The following AMZ2 variants were observed in gnomAD, a reference collection of about 807,000 sequenced individuals.
AMZ2 encodes the protein archaelysin family metallopeptidase 2.
Under a neutral mutation model 36.7 loss-of-function variants are expected in AMZ2, and 26 were observed. The observed-to-expected ratio is 0.71, with a 90% confidence interval of 0.52 to 0.98. AMZ2 has a LOEUF of 0.98. AMZ2 is among the 50% of genes least tolerant of loss of function. AMZ2 has a pLI of 0.00. For missense variants in AMZ2, 394 were observed against 430.5 expected (o/e 0.92, Z 0.75); for synonymous variants, 144 against 149.1 (o/e 0.97, Z 0.25).
In AMZ2 at chr17:68,213,938, T is replaced by C. The variant is rs532409440; in HGVS notation, c.-67+7700T>C. 2.0e-5 allele frequency among the ~76,000 whole-genome samples: 3 copies of C among 152,108 alleles called. No homozygotes were observed. The East Asian group carries it at 5.8e-4, about 29-fold the overall frequency. On this transcript the variant is annotated intron_variant, in intron 1 of 7. Coordinates refer to the AMZ2 transcript ENST00000674770. Reference sequence around the variant, plus strand: ...ATATTTTTATTATCTAAGAGCTCTTTTGTTTTTAGAATCTTCCTTTAAAAA... The same window carrying C: ...ATATTTTTATTATCTAAGAGCTCTTCTGTTTTTAGAATCTTCCTTTAAAAA...
At chr17:68,217,712 G>C (rs1599289178) in intron 1 of AMZ2, among the ~76,000 whole-genome samples, 1 of 151,778 alleles carries the variant, frequency 6.6e-6, no homozygotes, top group Non-Finnish European at 1.5e-5. Flanking sequence ...TGTAATGTTA[G>C]CAATTTATAG....
At chr17:68,209,632 A>ATTTTTTTTTTTTTTTTT (rs1224207690) in intron 1 of AMZ2, among the ~76,000 whole-genome samples, 5 of 90,680 alleles carry the variant, frequency 5.5e-5, no homozygotes, top group African/African-American at 2.0e-4. Flanking sequence ...ATATATATAT[A>ATTTTTTTTTTTTTTTTT]TTTTTTTTTT....
At chr17:68,245,808 T>C (rs1202126266), upstream of AMZ2, among the ~76,000 whole-genome samples, 2 of 152,100 alleles carry the variant, frequency 1.3e-5, no homozygotes, top group African/African-American at 4.8e-5. Context: ...GTTACAATCA[T>C]TGTGACAAGG....
At position 68,235,777 on chromosome 17, in the gene AMZ2, C is replaced by T. The variant is rs2073771552; in HGVS notation, c.-66-12863C>T. Among the ~76,000 whole-genome samples the T allele has an allele frequency of 6.6e-6, 1 of 152,026 alleles. No homozygotes were observed. Among genetic ancestry groups the T allele is most frequent in the Non-Finnish European group, 1.5e-5 (1 of 68,016 alleles). ...TTTTGGTACGTGCTGTGCCCTCAGC[C>T]TGGGCTGCCGTGGACTGGCCGTCCC... is the stretch of plus-strand genomic sequence containing the variant. On this transcript the variant is annotated intron_variant, in intron 1 of 7. Coordinates refer to the AMZ2 transcript ENST00000674770. The surrounding 1 kb of genome is among the most constrained non-coding windows in gnomAD (Gnocchi z 4.2).
chr17:68,221,620 C>T (rs569581891), intron 1 of AMZ2, among the ~76,000 whole-genome samples: 3 of 151,892 alleles, frequency 2.0e-5, no homozygotes, highest in Admixed American at 6.6e-5. Flanking sequence ...CCAGCTACTC[C>T]GGAGGCTGAG....
chr17:68,234,293 A>T (rs2073736157), intron 1 of AMZ2, among the ~76,000 whole-genome samples: 1 of 151,564 alleles, frequency 6.6e-6, no homozygotes, highest in African/African-American at 2.4e-5. Flanking sequence ...TAAAAAAAAA[A>T]TTAAGATTAA....
At position 68,206,483 on chromosome 17, in the gene AMZ2, T is replaced by TC. The variant is rs547942717; in HGVS notation, c.-67+252dup. ...AGGCTACACTCGCTCGCTCTCTCTC[T>TC]CCCCCCCAACCTCCTCTTTTTCCTC... On this transcript the variant is annotated intron_variant, in intron 1 of 7. Transcript: ENST00000674770. The TC allele has an allele frequency of 3.0e-3, 523 of 173,776 alleles. 2 individuals are homozygous for TC. The highest frequency in any genetic ancestry group is 0.012 in the African/African-American group (481 of 41,656). 10.8% of individuals were successfully genotyped at this position (173,776 alleles called of 1,614,324 possible).
upstream of AMZ2, chr17:68,247,798 C>G (rs2144682117): frequency 1.0e-6 from 1 of 985,586 alleles, no homozygotes; most frequent in Non-Finnish European, 1.2e-6. Context: ...CCGCCGCGAG[C>G]GCAAGCGAGG....
rs1555732220 is a variant in AMZ2 at position 68,235,228 on chromosome 17, AC to A, written c.-66-13411del. 6.6e-6 allele frequency among the ~76,000 whole-genome samples: 1 copy of A among 152,158 alleles called. No individual in the cohort carries two copies. The highest frequency in any genetic ancestry group is 1.5e-5 in the Non-Finnish European group (1 of 68,028). On this transcript the variant is annotated intron_variant, in intron 1 of 7. Transcript: ENST00000674770. This position sits in a 1 kb window ranked among gnomAD's most constrained non-coding sequence, Gnocchi z 4.2. ...CCAGCGCTGGTTTCTTAGCAAAAAAACAACTTGTTAAATGTCAGGGCTTTGT... is the reference window on the plus strand; with the variant it reads ...CCAGCGCTGGTTTCTTAGCAAAAAAAAACTTGTTAAATGTCAGGGCTTTGT...
chr17:68,231,892 T>C (rs2073672535), intron 1 of AMZ2, among the ~76,000 whole-genome samples: 1 of 152,102 alleles, frequency 6.6e-6, no homozygotes, highest in Non-Finnish European at 1.5e-5. Context: ...TGTAGGTATA[T>C]CCCATGAAAT....
chr17:68,245,124 T>C (rs1451326695), upstream of AMZ2, among the ~76,000 whole-genome samples: 1 of 151,992 alleles, frequency 6.6e-6, no homozygotes, highest in Non-Finnish European at 1.5e-5. Flanking sequence ...AGACAGACTA[T>C]GGTTCATTCT....
intron 1 of AMZ2, among the ~76,000 whole-genome samples, chr17:68,231,203 A>G (rs1416033885): frequency 3.3e-5 from 5 of 151,892 alleles, no homozygotes; most frequent in Admixed American, 6.6e-5. Flanking sequence ...AGCTGGTACT[A>G]CAGGAATGTG....
intron 1 of AMZ2, among the ~76,000 whole-genome samples, chr17:68,209,954 T>C (rs922101094): frequency 1.1e-4 from 16 of 152,024 alleles, no homozygotes; most frequent in African/African-American, 3.6e-4. Flanking sequence ...AATTAAAATA[T>C]TATAAAATTA....
intron 1 of AMZ2, among the ~76,000 whole-genome samples, chr17:68,236,718 C>T (rs1338640466): frequency 1.3e-5 from 2 of 151,752 alleles, no homozygotes; most frequent in Non-Finnish European, 2.9e-5. Context: ...ATTACAGGCA[C>T]CCACCACCAC....
In AMZ2 at chr17:68,248,048, G is replaced by A. The variant is rs2074122480; in HGVS notation, c.-658G>A. ...CAGTGGGCGTGGCGTGGCGCAGTGCGAAGGGACGCGGTGCGCATGCGCGTG... is the reference window on the plus strand; with the variant it reads ...CAGTGGGCGTGGCGTGGCGCAGTGCAAAGGGACGCGGTGCGCATGCGCGTG... On this transcript the variant is annotated 5_prime_UTR_variant, in exon 1 of 7. Transcript: ENST00000359904. 23 of 986,518 alleles carry A rather than the reference G, an allele frequency of 2.3e-5. No homozygotes were observed. The highest frequency in any genetic ancestry group is 2.8e-5 in the Non-Finnish European group (23 of 830,770). The allele number at this position is 986,518 out of a possible 1,614,324, so 61.1% of individuals were successfully genotyped here. A position where few individuals can be genotyped will look rare whatever the true frequency, so the allele number is the denominator to read the frequency against.
intron 1 of AMZ2, among the ~76,000 whole-genome samples, chr17:68,230,977 A>G (rs1243381726): frequency 6.6e-6 from 1 of 152,086 alleles, no homozygotes; most frequent in Admixed American, 6.5e-5. Context: ...TTTCAGGTAA[A>G]TTTCTCTGAA....
intron 1 of AMZ2, among the ~76,000 whole-genome samples, chr17:68,219,706 T>C (rs2073297638): frequency 6.6e-6 from 1 of 151,132 alleles, no homozygotes; most frequent in African/African-American, 2.4e-5. Flanking sequence ...AAATTTTTTT[T>C]TTTTTTTTGT....
intron 1 of AMZ2, among the ~76,000 whole-genome samples, chr17:68,236,739 ATT>A (rs149263791): frequency 0.061 from 9,073 of 149,392 alleles, 486 homozygotes; most frequent in Admixed American, 0.13. Context: ...ATCCCAGCTA[ATT>A]TTTTTTTTAT....
At position 68,250,346 on chromosome 17, in the gene AMZ2, G is replaced by A. The variant is rs1173955221; in HGVS notation, c.159G>A (p.Leu53=). 3.7e-6 allele frequency: 6 copies of A among 1,614,022 alleles called. No individual in the cohort carries two copies. Among genetic ancestry groups the A allele is most frequent in the Non-Finnish European group, 4.2e-6 (5 of 1,180,028 alleles). The change falls in exon 2 of 7, where the codon TTG becomes TTA. Residue 53 remains leucine, a synonymous_variant. Coordinates refer to ENST00000359904, the MANE Select transcript of AMZ2 (RefSeq NM_016627.5). ...PASDLFGPIT[L]HSPSDWITSH... is the part of the protein sequence containing the mutation. ...GTGATCTCTTTGGACCCATTACCTTGCATTCTCCATCAGATTGGATCACCT... is the reference window on the plus strand; with the variant it reads ...GTGATCTCTTTGGACCCATTACCTTACATTCTCCATCAGATTGGATCACCT...
Sources: gnomAD v4.1 joint callset for allele counts (sites outside exome capture counted in the v4.1 genomes callset) on GRCh38, gnomAD v4.1.1 for gene constraint, Gnocchi (gnomAD v3.1) non-coding constraint, MANE v1.5 for transcripts, NCBI Gene and HGNC (gene_info 2026-07-23, HGNC 2026-07-21) for gene names.